RBPMS: variants seen among roughly 807,000 people sequenced by gnomAD.
The protein encoded by RBPMS is RNA binding protein, mRNA processing factor.
Under a neutral mutation model 26.8 loss-of-function variants are expected in RBPMS, and 7 were observed. That is an observed-to-expected ratio of 0.26 (90% confidence interval 0.15 to 0.49). The LOEUF (loss-of-function observed/expected upper bound fraction) is 0.49, where lower values mean the gene tolerates loss of function less well. Ranked by LOEUF, RBPMS falls within the 20% of genes least tolerant of loss-of-function variation. The probability of loss-of-function intolerance (pLI) is 0.98; values close to 1 mark genes in which losing one functional copy is unlikely to be tolerated. For synonymous variants in RBPMS, 96 were observed against 93.3 expected (o/e 1.03, Z -0.17); for missense variants, 186 against 250.0 (o/e 0.74, Z 1.73).
intron 4 of RBPMS, among the ~76,000 whole-genome samples, chr8:30,483,139 ATT>A (rs1426456216): frequency 2.6e-5 from 4 of 152,316 alleles, no homozygotes; most frequent in Non-Finnish European, 5.9e-5. Flanking sequence ...TTAACCTTCA[ATT>A]CAGGCTTGTG....
intron 1 of RBPMS, among the ~76,000 whole-genome samples, chr8:30,436,406 C>A (rs1425498621): frequency 6.6e-6 from 1 of 152,180 alleles, no homozygotes; most frequent in Non-Finnish European, 1.5e-5. Context: ...AAGCTGCTGT[C>A]TAATTTCTCT....
At chr8:30,395,461 C>CCAAAA (rs1491402867) in intron 1 of RBPMS, among the ~76,000 whole-genome samples, 2 of 43,804 alleles carry the variant, frequency 4.6e-5, no homozygotes, top group African/African-American at 3.5e-4. Flanking sequence ...GACTCTGTCT[C>CCAAAA]AAAAAAAAAA....
Position 30,523,978 on chromosome 8 carries a change from T to C in RBPMS, c.397+19542T>C, listed in dbSNP as rs75341450. ...AAGTTGTTTGAATCAACATTCAATA[T>C]GTTCCCTCTCATTCTCTCTCATGTT... On this transcript the variant is annotated intron_variant, in intron 5 of 8. Transcript: ENST00000397323. Among the ~76,000 whole-genome samples, 11 of 152,318 alleles carry C rather than the reference T, an allele frequency of 7.2e-5. No homozygotes were observed. In the East Asian group the frequency reaches 1.7e-3, roughly 24 times the overall value.
intron 5 of RBPMS, among the ~76,000 whole-genome samples, chr8:30,519,858 C>T (rs1205093432): frequency 6.6e-6 from 1 of 152,020 alleles, no homozygotes; most frequent in Non-Finnish European, 1.5e-5. Flanking sequence ...AAAAGATTCT[C>T]CTGGGTTTGT....
Position 30,501,210 on chromosome 8 carries a change from C to T in RBPMS, c.247-3076C>T, listed in dbSNP as rs368084884. ...CACACTCCAAAGTCCTCAGTCATGG[C>T]ATAAGAGGTCCTTTGTGATCTCTCC... On this transcript the variant is annotated intron_variant, in intron 4 of 8. Coordinates refer to ENST00000397323, the MANE Select transcript of RBPMS (RefSeq NM_001008710.3). Among the ~76,000 whole-genome samples, 43 of 152,004 alleles carry T rather than the reference C, an allele frequency of 2.8e-4. No homozygotes were observed. The East Asian group carries it at 8.0e-3, about 28-fold the overall frequency.
intron 1 of RBPMS, among the ~76,000 whole-genome samples, chr8:30,438,848 A>T (rs982525610): frequency 7.2e-5 from 11 of 152,048 alleles, no homozygotes; most frequent in African/African-American, 2.4e-4. Context: ...ATCTCAGCTC[A>T]CTGTAGCCTC....
chr8:30,426,680 C>CT (rs796851926), intron 1 of RBPMS, among the ~76,000 whole-genome samples: 6,182 of 127,624 alleles, frequency 0.048, 354 homozygotes, highest in African/African-American at 0.14. Flanking sequence ...CAGTGATTTT[C>CT]TTTTTTTTTT....
chr8:30,513,628 A>G (rs1821974492), intron 5 of RBPMS, among the ~76,000 whole-genome samples: 1 of 150,570 alleles, frequency 6.6e-6, no homozygotes, highest in South Asian at 2.1e-4. Context: ...AGGGACTCGA[A>G]TCTCCTTGGA....
chr8:30,509,522 A>T lies in RBPMS; in HGVS notation c.397+5086A>T, dbSNP rs544924053. On this transcript the variant is annotated intron_variant, in intron 5 of 8. Coordinates refer to ENST00000397323, the MANE Select transcript of RBPMS (RefSeq NM_001008710.3). ...TCCCTCCCAGAGACAACACTGAGCA[A>T]ATAGGAAATCTCTTAACATTCATCT... 2.0e-5 allele frequency among the ~76,000 whole-genome samples: 3 copies of T among 152,336 alleles called. No homozygotes were observed. The South Asian group carries it at 6.2e-4, about 32-fold the overall frequency.
intron 1 of RBPMS, among the ~76,000 whole-genome samples, chr8:30,448,070 C>T (rs1814092460): frequency 6.6e-6 from 1 of 152,158 alleles, no homozygotes; most frequent in Admixed American, 6.5e-5. Flanking sequence ...GGGACTCTGA[C>T]ACGGAAAGCA....
intron 6 of RBPMS, among the ~76,000 whole-genome samples, chr8:30,549,755 T>TCTTTCCTTTC (rs146710297): frequency 7.7e-6 from 1 of 129,424 alleles, no homozygotes; most frequent in African/African-American, 3.3e-5. Flanking sequence ...TCTTTCCTTT[T>TCTTTCCTTTC]CTTTTCTTTT....
rs549175049 is a variant in RBPMS, at chr8:30,521,549, C to T, written c.397+17113C>T. 5.9e-5 allele frequency among the ~76,000 whole-genome samples: 9 copies of T among 152,294 alleles called. No individual in the cohort carries two copies. The South Asian group carries it at 1.0e-3, about 18-fold the overall frequency. ...TCTTGGTATGGGAATGCTTATTTCC[C>T]TGCTTCTCTCCCTCAGTTAGGGTTA... On this transcript the variant is annotated intron_variant, in intron 5 of 8. Transcript: ENST00000397323.
chr8:30,544,654 C>T (rs755104202), intron 6 of RBPMS, 30 bp downstream of exon 6: 2 of 1,612,720 alleles, frequency 1.2e-6, no homozygotes, highest in East Asian at 2.2e-5. Context: ...CAGGACTTCA[C>T]TCACTTCACC....
chr8:30,526,526 CG>C (rs946786385), intron 5 of RBPMS, among the ~76,000 whole-genome samples: 6 of 152,114 alleles, frequency 3.9e-5, no homozygotes, highest in African/African-American at 1.4e-4. Context: ...ATTTTCTAAC[CG>C]CAATTTTATT....
At chr8:30,477,676 C>T in intron 2 of RBPMS, 123 bp from the exon 3 acceptor site, 1 of 664,018 alleles carries the variant, frequency 1.5e-6, no homozygotes, top group Non-Finnish European at 2.6e-6. Context: ...ATTTGCTTTC[C>T]CAGATAACTT....
chr8:30,431,171 AT>A (rs1811881367), intron 1 of RBPMS, among the ~76,000 whole-genome samples: 1 of 152,090 alleles, frequency 6.6e-6, no homozygotes, highest in Non-Finnish European at 1.5e-5. Flanking sequence ...GGCAGAGTGT[AT>A]CCAGGGGGAG....
intron 7 of RBPMS, among the ~76,000 whole-genome samples, chr8:30,560,892 C>G (rs1408276188): frequency 6.6e-6 from 1 of 152,128 alleles, no homozygotes; most frequent in Non-Finnish European, 1.5e-5. Flanking sequence ...TATAGAGATC[C>G]TTGGATGAGT....
chr8:30,418,328 C>T (rs945349113), intron 1 of RBPMS, among the ~76,000 whole-genome samples: 3 of 152,118 alleles, frequency 2.0e-5, no homozygotes, highest in Admixed American at 6.5e-5. Context: ...GGGGTCCTCC[C>T]GCCTCAGTCT....
In RBPMS at chr8:30,567,415, C is replaced by T. The variant is rs1388165545; in HGVS notation, c.*111+1055C>T. Among the ~76,000 whole-genome samples, 11 of 152,298 alleles carry T rather than the reference C, an allele frequency of 7.2e-5. No homozygotes were observed. In the South Asian group the frequency reaches 2.3e-3, roughly 32 times the overall value. On this transcript the variant is annotated intron_variant, in intron 8 of 8. Coordinates refer to ENST00000397323, the MANE Select transcript of RBPMS (RefSeq NM_001008710.3). ...TTTTTCCCAGGGTGCCTGTTTCTTG[C>T]ACTAACCCAAGCTTTTTTCACATCA...
Sources: gnomAD v4.1 joint callset for allele counts (sites outside exome capture counted in the v4.1 genomes callset) on GRCh38, gnomAD v4.1.1 for gene constraint, MANE v1.5 for transcripts, NCBI Gene and HGNC (gene_info 2026-07-23, HGNC 2026-07-21) for gene names.